Variants in FBXO34 observed in about 807,000 individuals in gnomAD.
FBXO34 encodes the protein F-box protein 34.
FBXO34 carries 12 observed loss-of-function variants against 24.5 expected under a neutral mutation model. The ratio of observed to expected loss-of-function variants is 0.49; its 90% CI spans 0.31 to 0.79. The LOEUF is 0.79. Among genes scored for constraint, FBXO34 ranks in the 30% least tolerant of loss-of-function variants. The pLI, the probability that FBXO34 is intolerant of heterozygous loss-of-function variation, is 0.04. For synonymous variants in FBXO34, 320 were observed against 311.9 expected, an observed-to-expected ratio of 1.03 and a Z score of -0.27; for missense variants, 823 against 857.7, an observed-to-expected ratio of 0.96 and a Z score of 0.51.
At chr14:55,440,653 T>C in the FBXO34 span, 3 of 1,265,608 alleles carry the variant, frequency 2.4e-6, no homozygotes, top group East Asian at 2.6e-5. Context: ...GGAACCCAGC[T>C]ACCGGCCCAT....
chr14:55,280,369 T>C (rs895474295), intron 1 of FBXO34, among the ~76,000 whole-genome samples: 30 of 152,218 alleles, frequency 2.0e-4, no homozygotes, highest in African/African-American at 7.2e-4. Context: ...GTATTGAACG[T>C]GTACAGATTA....
At chr14:55,309,239 A>G (rs1412556119) in intron 1 of FBXO34, among the ~76,000 whole-genome samples, 3 of 152,146 alleles carry the variant, frequency 2.0e-5, no homozygotes, top group Non-Finnish European at 4.4e-5. Context: ...ATTCCTATGA[A>G]TACAGAATGG....
downstream of FBXO34, chr14:55,366,475 A>G (rs1884681134): frequency 6.6e-6 from 1 of 152,652 alleles, no homozygotes; most frequent in African/African-American, 2.4e-5. Context: ...GTTGCAGAGC[A>G]ATGGGGAATT....
downstream of FBXO34, among the ~76,000 whole-genome samples, chr14:55,363,648 A>G (rs964001974): frequency 1.3e-5 from 2 of 152,046 alleles, no homozygotes; most frequent in African/African-American, 4.8e-5. Context: ...CTTTAATGCA[A>G]GCTTGTTCAA....
the FBXO34 span, among the ~76,000 whole-genome samples, chr14:55,434,036 C>T: frequency 6.6e-6 from 1 of 152,076 alleles, no homozygotes; most frequent in Non-Finnish European, 1.5e-5. Context: ...GCAATATAAC[C>T]TCCAATATTA....
At chr14:55,376,787 T>A in the FBXO34 span, among the ~76,000 whole-genome samples, 1 of 152,062 alleles carries the variant, frequency 6.6e-6, no homozygotes, top group South Asian at 2.1e-4. Flanking sequence ...CCATATCACA[T>A]CTCTGCAGAA....
intron 1 of FBXO34, chr14:55,298,786 A>C (rs1882234042): frequency 6.8e-6 from 11 of 1,606,350 alleles, no homozygotes; most frequent in Non-Finnish European, 9.4e-6. Flanking sequence ...CACGGCACCA[A>C]AAACAAGCCC....
At chr14:55,335,367 A>G (rs1350660401) in intron 1 of FBXO34, 2 of 152,100 alleles carry the variant, frequency 1.3e-5, no homozygotes, top group East Asian at 1.9e-4. Flanking sequence ...CTTTTTGTTC[A>G]TCTTGAGTCT....
At chr14:55,331,605 AAAAT>A (rs2140047447) in intron 1 of FBXO34, among the ~76,000 whole-genome samples, 1 of 142,300 alleles carries the variant, frequency 7.0e-6, no homozygotes, top group East Asian at 2.0e-4. Flanking sequence ...TATATATAAA[AAAAT>A]ATAAAATATA....
At chr14:55,362,116 G>A (rs187924460), downstream of FBXO34, among the ~76,000 whole-genome samples, 82 of 152,226 alleles carry the variant, frequency 5.4e-4, 1 homozygote, top group Non-Finnish European at 9.0e-4. Flanking sequence ...GAGAGACATG[G>A]GACTCTTTCA....
chr14:55,380,305 A>G, the FBXO34 span, among the ~76,000 whole-genome samples: 11 of 151,682 alleles, frequency 7.3e-5, no homozygotes, highest in Non-Finnish European at 1.2e-4. Flanking sequence ...GCGATTTAAC[A>G]TATGAGGATC....
At chr14:55,287,520 C>G (rs1161550186) in intron 1 of FBXO34, among the ~76,000 whole-genome samples, 1 of 152,176 alleles carries the variant, frequency 6.6e-6, no homozygotes, top group Non-Finnish European at 1.5e-5. Context: ...AGCACAATAG[C>G]ATCACCAGAA....
chr14:55,361,793 T>G (rs567291276), exon 4 of FBXO34: 15 of 152,386 alleles, frequency 9.8e-5, no homozygotes, highest in Admixed American at 8.5e-4. Flanking sequence ...CTTCTGCAGC[T>G]TCCTCACTTC....
chr14:55,345,898 TG>T (rs1175671414), intron 1 of FBXO34, among the ~76,000 whole-genome samples: 8 of 152,096 alleles, frequency 5.3e-5, no homozygotes, highest in African/African-American at 1.7e-4. Flanking sequence ...TGCAGCTACT[TG>T]GGAAGCTGAG....
intron 1 of FBXO34, among the ~76,000 whole-genome samples, chr14:55,332,235 A>G (rs1438863941): frequency 1.3e-5 from 2 of 151,934 alleles, no homozygotes; most frequent in East Asian, 1.9e-4. Context: ...ACATTGGAGC[A>G]TAGTAGGTGT....
chr14:55,413,137 G>A, the FBXO34 span, among the ~76,000 whole-genome samples: 1 of 152,176 alleles, frequency 6.6e-6, no homozygotes, highest in Non-Finnish European at 1.5e-5. Context: ...AATGGTTCCT[G>A]AAAGTTTAAG....
the FBXO34 span, among the ~76,000 whole-genome samples, chr14:55,426,451 C>T: frequency 6.6e-6 from 1 of 152,034 alleles, no homozygotes; most frequent in African/African-American, 2.4e-5. Flanking sequence ...AGGGGTTTAA[C>T]ACAAGGCAAA....
chr14:55,282,618 T>C (rs1049277946), intron 1 of FBXO34: 4 of 161,952 alleles, frequency 2.5e-5, no homozygotes, highest in Admixed American at 6.3e-5. Flanking sequence ...GGAAAGCTGA[T>C]GATTGTATGT....
rs148568308 is a variant in FBXO34, at chr14:55,297,224, T to G, written c.-11+25687T>G. On this transcript the variant is annotated intron_variant, in intron 1 of 1. Transcript: ENST00000313833. ...TAGGAAAGTGATTTGGGGCTGCTTT[T>G]CATTAAAAGGGAAACCTTACTGAGG... 5.7e-3 allele frequency among the ~76,000 whole-genome samples: 864 copies of G among 152,340 alleles called. 12 individuals carry two copies. The highest frequency in any genetic ancestry group is 0.019 in the African/African-American group (793 of 41,586).
Sources: gnomAD v4.1 joint callset for allele counts (sites outside exome capture counted in the v4.1 genomes callset) on GRCh38, gnomAD v4.1.1 for gene constraint, MANE v1.5 for transcripts, NCBI Gene and HGNC (gene_info 2026-07-23, HGNC 2026-07-21) for gene names.